The following EYA1 variants were observed in gnomAD, a reference collection of about 807,000 sequenced individuals.
EYA1 encodes EYA transcriptional coactivator and phosphatase 1, also known as protein phosphatase EYA1.
EYA1 carries 16 observed loss-of-function variants against 82.0 expected under a neutral mutation model. That is an observed-to-expected ratio of 0.20 (90% CI 0.13 to 0.30). EYA1 has a LOEUF of 0.30. EYA1 is among the 10% of genes least tolerant of loss of function. The probability of loss-of-function intolerance (pLI) is 1.00; values close to 1 mark genes in which losing one functional copy is unlikely to be tolerated. For synonymous variants in EYA1, 261 were observed against 264.4 expected (o/e 0.99, Z 0.12); for missense variants, 633 against 730.7 (o/e 0.87, Z 1.54).
At position 71,345,991 on chromosome 8, in the gene EYA1, A is replaced by AAC. The variant is rs144686032; in HGVS notation, c.124+8789_124+8790dup. On this transcript the variant is annotated intron_variant, in intron 3 of 17. Coordinates refer to ENST00000340726, the MANE Select transcript of EYA1 (RefSeq NM_000503.6). ...GCTCCTCATCTTACACATACACACAAACACACACACACACGTGCACACGTG... is the reference window on the plus strand; with the variant it reads ...GCTCCTCATCTTACACATACACACAAACACACACACACACACGTGCACACGTG... Among the ~76,000 whole-genome samples, 8 of 151,340 alleles carry AAC rather than the reference A, an allele frequency of 5.3e-5. No individual in the cohort carries two copies. The East Asian group carries it at 9.7e-4, about 18-fold the overall frequency.
At chr8:71,543,784 C>T (rs76052675) in intron 1 of EYA1, among the ~76,000 whole-genome samples, 15,379 of 152,076 alleles carry the variant, frequency 0.1, 2,649 homozygotes, top group African/African-American at 0.35. Flanking sequence ...ATATAATGTT[C>T]TTTAATATTA....
intron 2 of EYA1, among the ~76,000 whole-genome samples, chr8:71,425,405 C>T (rs1470424475): frequency 6.6e-6 from 1 of 152,084 alleles, no homozygotes; most frequent in Admixed American, 6.6e-5. Flanking sequence ...ATAATGTATG[C>T]TAATGATTTT....
At chr8:71,327,773 G>T (rs1210828496) in intron 4 of EYA1, among the ~76,000 whole-genome samples, 1 of 151,860 alleles carries the variant, frequency 6.6e-6, no homozygotes, top group Non-Finnish European at 1.5e-5. Flanking sequence ...ACCAACATCA[G>T]AGTGGCTCCA....
chr8:71,227,153 C>G (rs1810660580), intron 12 of EYA1, among the ~76,000 whole-genome samples: 1 of 152,030 alleles, frequency 6.6e-6, no homozygotes, highest in Admixed American at 6.6e-5. Context: ...ATTAAAAAAA[C>G]TCAGCACACA....
intron 2 of EYA1, among the ~76,000 whole-genome samples, chr8:71,377,633 CTG>C (rs1290696130): frequency 5.3e-5 from 8 of 152,284 alleles, no homozygotes; most frequent in African/African-American, 1.9e-4. Flanking sequence ...GCATGCAGCT[CTG>C]TGTCATGAAA....
chr8:71,403,770 A>G (rs893530299), intron 2 of EYA1: 1 of 152,208 alleles, frequency 6.6e-6, no homozygotes, highest in Non-Finnish European at 1.5e-5. Flanking sequence ...CCATGATACC[A>G]TTTAAAAACA....
chr8:71,498,526 G>A (rs1257733826), intron 2 of EYA1, among the ~76,000 whole-genome samples: 1 of 152,072 alleles, frequency 6.6e-6, no homozygotes, highest in Admixed American at 6.6e-5. Context: ...AATAAAAGAG[G>A]AAGAAGAGCA....
At chr8:71,326,226 G>A (rs554115077) in intron 4 of EYA1, among the ~76,000 whole-genome samples, 6 of 152,202 alleles carry the variant, frequency 3.9e-5, no homozygotes, top group East Asian at 1.9e-4. Context: ...AAGAACTCTC[G>A]AAATTGGCAG....
intron 2 of EYA1, among the ~76,000 whole-genome samples, chr8:71,519,606 T>A (rs914089911): frequency 6.6e-6 from 1 of 151,378 alleles, no homozygotes; most frequent in African/African-American, 2.4e-5. Flanking sequence ...TCCTGATTAC[T>A]AAGTCTTTCT....
chr8:71,317,969 A>G lies in EYA1; in HGVS notation c.419-280T>C, dbSNP rs1345550881. ...AATGTAACTCCAGTGATATATTTTC[A>G]TACTTAATTTTGTTGTTTTAATTAT... On this transcript the variant is annotated intron_variant, in intron 6 of 17. Coordinates refer to ENST00000340726, the MANE Select transcript of EYA1 (RefSeq NM_000503.6). 2.0e-5 allele frequency among the ~76,000 whole-genome samples: 3 copies of G among 152,210 alleles called. No individual in the cohort carries two copies. The East Asian group carries it at 5.8e-4, about 29-fold the overall frequency.
chr8:71,282,581 TC>T (rs1234496195), intron 9 of EYA1, among the ~76,000 whole-genome samples: 3 of 152,208 alleles, frequency 2.0e-5, no homozygotes, highest in Non-Finnish European at 4.4e-5. Context: ...ACACTTGTGT[TC>T]CTTGGCCTCT....
At chr8:71,514,345 A>G (rs1044079417) in intron 2 of EYA1, among the ~76,000 whole-genome samples, 7 of 152,100 alleles carry the variant, frequency 4.6e-5, no homozygotes, top group African/African-American at 1.7e-4. Context: ...ATAGAATGAA[A>G]TATTTTTAAT....
At chr8:71,274,833 A>G (rs967802561) in intron 9 of EYA1, among the ~76,000 whole-genome samples, 4 of 152,170 alleles carry the variant, frequency 2.6e-5, no homozygotes, top group African/African-American at 9.7e-5. Flanking sequence ...TGTGTTCCAG[A>G]CAGGGGCATA....
intron 12 of EYA1, among the ~76,000 whole-genome samples, chr8:71,237,108 G>A (rs13276122): frequency 0.31 from 46,763 of 151,482 alleles, 7,541 homozygotes; most frequent in Non-Finnish European, 0.35. Flanking sequence ...CTGGAGTGCA[G>A]TGGCATGATC....
Position 71,211,137 on chromosome 8 carries a change from A to G in EYA1, c.1698+19T>C, listed in dbSNP as rs1396268935. 2.0e-6 allele frequency: 3 copies of G among 1,473,658 alleles called. No individual in the cohort carries two copies. Among genetic ancestry groups the G allele is most frequent in the Non-Finnish European group, 2.9e-6 (3 of 1,051,948 alleles). The allele number at this position is 1,473,658 out of a possible 1,614,324, so 91.3% of individuals were successfully genotyped here. On this transcript the variant is annotated intron_variant, in intron 17 of 17. Transcript: ENST00000340726. ...TGAAAAAACAAATGAGACAAGATGC[A>G]CCATCTAGGAATGCTCACCTTTTTT...
Position 71,354,786 on chromosome 8 carries a change from G to A in EYA1, c.120C>T (p.Thr40=), listed in dbSNP as rs1236859658. ...INSNSMTPNG[T]EVKTEPMSSS... Reference sequence around the variant, plus strand: ...AGTGAGAAGGCAGACACTCACCTTCGGTGCCATTGGGAGTCATGGAATTAC... The same window carrying A: ...AGTGAGAAGGCAGACACTCACCTTCAGTGCCATTGGGAGTCATGGAATTAC... The change falls in exon 3 of 18, where the codon ACC becomes ACT. Residue 40 remains threonine (T), a synonymous_variant. Transcript: ENST00000340726. 19 of 1,612,994 alleles carry A rather than the reference G, an allele frequency of 1.2e-5. No homozygotes were observed. The highest frequency in any genetic ancestry group is 4.4e-5 in the South Asian group (4 of 91,052).
chr8:71,313,388 A>C (rs1015049684), intron 7 of EYA1, among the ~76,000 whole-genome samples: 3 of 152,122 alleles, frequency 2.0e-5, no homozygotes, highest in Non-Finnish European at 2.9e-5. Flanking sequence ...TTTTAATTAC[A>C]CTTTGTGTGT....
chr8:71,510,078 T>C (rs1812482121), intron 2 of EYA1, among the ~76,000 whole-genome samples: 1 of 151,652 alleles, frequency 6.6e-6, no homozygotes. Context: ...TAGTATTTTA[T>C]TAAAGTTGGG....
chr8:71,389,293 T>C (rs1055887856), intron 2 of EYA1, among the ~76,000 whole-genome samples: 2 of 152,154 alleles, frequency 1.3e-5, no homozygotes, highest in African/African-American at 4.8e-5. Context: ...ATATTATAAA[T>C]ATTTGTTAAA....
Sources: allele counts gnomAD v4.1 joint callset (sites outside exome capture counted in the v4.1 genomes callset), GRCh38; gene constraint gnomAD v4.1.1; transcripts MANE v1.5; gene names NCBI Gene and HGNC (gene_info 2026-07-23, HGNC 2026-07-21).